Variants in TMEM232 observed in about 807,000 individuals in gnomAD.
The protein encoded by TMEM232 is transmembrane protein 232.
In TMEM232, 80 loss-of-function variants were observed where a neutral mutation model predicts 78.8. The observed-to-expected ratio is 1.01, with a 90% CI of 0.85 to 1.22. The LOEUF (loss-of-function observed/expected upper bound fraction) is 1.22. Ranked by LOEUF, TMEM232 falls within the 50% of genes most tolerant of loss-of-function variation. TMEM232 has a pLI of 0.00. For missense variants in TMEM232, 881 were observed against 742.2 expected, an observed-to-expected ratio of 1.19 and a Z score of -2.17; for synonymous variants, 297 against 254.3, an observed-to-expected ratio of 1.17 and a Z score of -1.60.
At chr5:110,512,322 A>C (rs2149474618) in intron 12 of TMEM232, among the ~76,000 whole-genome samples, 3 of 152,336 alleles carry the variant, frequency 2.0e-5, no homozygotes, top group Admixed American at 2.0e-4. Context: ...ATGTGGGTGC[A>C]AAGTTCCAAA....
chr5:110,493,532 C>A lies in TMEM232; in HGVS notation c.1703+35056G>T, dbSNP rs1341713229. 2.6e-5 allele frequency among the ~76,000 whole-genome samples: 4 copies of A among 152,098 alleles called. No homozygotes were observed. In the South Asian group the frequency reaches 6.2e-4, roughly 24 times the overall value. Reference sequence around the variant, plus strand: ...AGCCCATATGAAGGCCATTATTCTACATGGAAATTTGATATGCAATATATA... The same window carrying A: ...AGCCCATATGAAGGCCATTATTCTAAATGGAAATTTGATATGCAATATATA... On this transcript the variant is annotated intron_variant, in intron 12 of 13. Transcript: ENST00000455884.
chr5:110,483,730 C>T (rs1414241741), intron 12 of TMEM232, among the ~76,000 whole-genome samples: 1 of 151,546 alleles, frequency 6.6e-6, no homozygotes, highest in Middle Eastern at 3.4e-3. Context: ...GCACATGTAC[C>T]CTAAAACTTA....
chr5:110,480,243 T>C (rs984640047), intron 12 of TMEM232, among the ~76,000 whole-genome samples: 1 of 151,872 alleles, frequency 6.6e-6, no homozygotes, highest in Admixed American at 6.6e-5. Context: ...AAAAAAATGA[T>C]CTTCAGAGAT....
chr5:110,686,559 C>T (rs937148445), intron 1 of TMEM232, among the ~76,000 whole-genome samples: 1 of 151,378 alleles, frequency 6.6e-6, no homozygotes. Context: ...CAAAACTGTG[C>T]GAGTTGATAA....
At chr5:110,513,300 TA>T (rs1768069587) in intron 12 of TMEM232, among the ~76,000 whole-genome samples, 1 of 152,030 alleles carries the variant, frequency 6.6e-6, no homozygotes, top group African/African-American at 2.4e-5. Context: ...GGAATTAAAC[TA>T]AAAACAAAAC....
At chr5:110,558,677 A>G (rs1397391394) in intron 11 of TMEM232, among the ~76,000 whole-genome samples, 1 of 152,156 alleles carries the variant, frequency 6.6e-6, no homozygotes, top group Non-Finnish European at 1.5e-5. Flanking sequence ...AGACACCTAG[A>G]GAAGCATGGT....
At chr5:110,398,318 A>T (rs1352934722) in intron 2 of TMEM232, among the ~76,000 whole-genome samples, 6 of 152,192 alleles carry the variant, frequency 3.9e-5, no homozygotes. Context: ...AAACCAAGGT[A>T]TTAAATGGTT....
rs543611635 is a variant in TMEM232 at position 110,671,925 on chromosome 5, C to T, written c.-12-4561G>A. Among the ~76,000 whole-genome samples, 4 of 152,086 alleles carry T rather than the reference C, an allele frequency of 2.6e-5. No homozygotes were observed. In the South Asian group the frequency reaches 8.3e-4, roughly 32 times the overall value. ...AAAGCCCACTATTCACAAAATATTG[C>T]ATATATCAGAAATATCTAGAAATAT... On this transcript the variant is annotated intron_variant, in intron 1 of 13. Coordinates refer to ENST00000455884, the MANE Select transcript of TMEM232 (RefSeq NM_001039763.4).
intron 7 of TMEM232, among the ~76,000 whole-genome samples, chr5:110,620,076 T>A (rs949838983): frequency 1.3e-5 from 2 of 152,152 alleles, no homozygotes; most frequent in African/African-American, 4.8e-5. Context: ...TGTACCATCA[T>A]CAGAGAAAAT....
chr5:110,695,129 G>C (rs1339514860), intron 1 of TMEM232, among the ~76,000 whole-genome samples: 1 of 152,180 alleles, frequency 6.6e-6, no homozygotes, highest in Non-Finnish European at 1.5e-5. Flanking sequence ...AATCAAACTA[G>C]AACTCAGCAT....
intron 1 of TMEM232, among the ~76,000 whole-genome samples, chr5:110,715,804 C>T (rs2150329072): frequency 6.6e-6 from 1 of 152,188 alleles, no homozygotes; most frequent in Non-Finnish European, 1.5e-5. Flanking sequence ...CAGCATTTAA[C>T]ATCAACACAG....
chr5:110,627,897 GA>G lies in TMEM232; in HGVS notation c.502-18del. The G allele has an allele frequency of 6.9e-7, 1 of 1,450,658 alleles. No individual in the cohort carries two copies. Among genetic ancestry groups the G allele is most frequent in the Non-Finnish European group, 9.3e-7 (1 of 1,078,162 alleles). 89.9% of individuals were successfully genotyped at this position (1,450,658 alleles called of 1,614,324 possible). The stretch of plus-strand genomic sequence containing the variant: ...ATAGCCAATCTGTCAAAAGAGAAAA[GA>G]AAAATACATTTTTGTGTTGCATCAA... On this transcript the variant is annotated intron_variant, in intron 5 of 13. Coordinates refer to ENST00000455884, the MANE Select transcript of TMEM232 (RefSeq NM_001039763.4).
At chr5:110,624,589 T>C (rs948577632) in intron 7 of TMEM232, among the ~76,000 whole-genome samples, 1 of 152,142 alleles carries the variant, frequency 6.6e-6, no homozygotes, top group African/African-American at 2.4e-5. Flanking sequence ...CATGAGGTAA[T>C]TTGTGCTCAT....
chr5:110,535,511 T>A (rs1772217402), intron 11 of TMEM232, among the ~76,000 whole-genome samples: 1 of 152,198 alleles, frequency 6.6e-6, no homozygotes, highest in Non-Finnish European at 1.5e-5. Context: ...TGGACGCGCA[T>A]GAAGTGTATA....
chr5:110,540,390 T>G (rs1476885338), intron 11 of TMEM232, among the ~76,000 whole-genome samples: 3 of 152,102 alleles, frequency 2.0e-5, no homozygotes, highest in East Asian at 3.9e-4. Context: ...AAAGGATACC[T>G]CTAGATGATG....
intron 12 of TMEM232, among the ~76,000 whole-genome samples, chr5:110,501,050 A>C (rs1766213648): frequency 6.6e-6 from 1 of 152,208 alleles, no homozygotes; most frequent in Non-Finnish European, 1.5e-5. Context: ...TTTCTAGAAT[A>C]AATTTATTCA....
At position 110,426,874 on chromosome 5, in the gene TMEM232, G is replaced by A. The variant is rs555323398; in HGVS notation, c.1704-1958C>T. Among the ~76,000 whole-genome samples, 3 of 151,994 alleles carry A rather than the reference G, an allele frequency of 2.0e-5. No homozygotes were observed. The East Asian group carries it at 5.8e-4, about 29-fold the overall frequency. On this transcript the variant is annotated intron_variant, in intron 12 of 13. Transcript: ENST00000455884. Reference sequence around the variant, plus strand: ...ATGCTATAAAAAGATAAATAAAACAGAATCTTAAAATCATTTTAAGGTTAA... The same window carrying A: ...ATGCTATAAAAAGATAAATAAAACAAAATCTTAAAATCATTTTAAGGTTAA...
chr5:110,671,072 T>C (rs1298809235), intron 1 of TMEM232, among the ~76,000 whole-genome samples: 1 of 152,084 alleles, frequency 6.6e-6, no homozygotes, highest in African/African-American at 2.4e-5. Flanking sequence ...AAAGACTTCA[T>C]GACTAAAACA....
chr5:110,554,805 T>C (rs542189019), intron 11 of TMEM232, among the ~76,000 whole-genome samples: 1 of 152,264 alleles, frequency 6.6e-6, no homozygotes, highest in East Asian at 1.9e-4. Context: ...TTTGTAGTTG[T>C]CAGGTTATTT....
Sources: gnomAD v4.1 joint callset for allele counts (sites outside exome capture counted in the v4.1 genomes callset) on GRCh38, gnomAD v4.1.1 for gene constraint, MANE v1.5 for transcripts, NCBI Gene and HGNC (gene_info 2026-07-23, HGNC 2026-07-21) for gene names.